The following JAKMIP1 variants were observed in gnomAD, a reference collection of about 807,000 sequenced individuals.
JAKMIP1 encodes the protein janus kinase and microtubule interacting protein 1.
A neutral mutation model predicts 113.0 loss-of-function variants in JAKMIP1; 33 were observed. That is an observed-to-expected ratio of 0.29 (90% CI 0.22 to 0.39). The LOEUF (loss-of-function observed/expected upper bound fraction) is 0.39, where lower values mean the gene tolerates loss of function less well. Ranked by LOEUF, JAKMIP1 falls within the 10% of genes least tolerant of loss-of-function variation. The pLI is 1.00. For synonymous variants in JAKMIP1, 480 were observed against 459.9 expected (o/e 1.04, Z -0.56); for missense variants, 813 against 1,080.5 (o/e 0.75, Z 3.47).
At chr4:6,174,444 C>G (rs964704628) in intron 1 of JAKMIP1, among the ~76,000 whole-genome samples, 8 of 152,240 alleles carry the variant, frequency 5.3e-5, no homozygotes, top group Non-Finnish European at 1.2e-4. Flanking sequence ...TGATGCCAGA[C>G]CTGGTCTTCG....
In JAKMIP1 at chr4:6,185,137, C is replaced by T. The variant is rs1297976661; in HGVS notation, c.-148+15116G>A. Among the ~76,000 whole-genome samples the T allele has an allele frequency of 6.6e-6, 1 of 152,230 alleles. No individual in the cohort carries two copies. The highest frequency in any genetic ancestry group is 1.5e-5 in the Non-Finnish European group (1 of 68,042). On this transcript the variant is annotated intron_variant, in intron 1 of 20. Transcript: ENST00000409021. This position sits in a 1 kb window ranked among gnomAD's most constrained non-coding sequence, Gnocchi z 5.3. The stretch of plus-strand genomic sequence containing the variant: ...TTTGAGGTTTTGGGACTCGAACTGG[C>T]TTCCTTGCTCCTCAGCTTGCAGATG...
intron 1 of JAKMIP1, among the ~76,000 whole-genome samples, chr4:6,172,785 C>A (rs1168072396): frequency 6.6e-6 from 1 of 152,154 alleles, no homozygotes; most frequent in African/African-American, 2.4e-5. Context: ...ATGCCCCACC[C>A]TGCCCAAGAT....
At chr4:6,146,513 T>G (rs2108972701) in intron 1 of JAKMIP1, among the ~76,000 whole-genome samples, 1 of 152,162 alleles carries the variant, frequency 6.6e-6, no homozygotes, top group African/African-American at 2.4e-5. Flanking sequence ...AGGCTGATCT[T>G]GAACCTCTAG....
In JAKMIP1 at chr4:6,191,336, T is replaced by TCC. The variant is rs146999307; in HGVS notation, c.-148+8915_-148+8916dup. ...AGTGTGACTGTCCCCTGCATGTCCC[T>TCC]CCTGAGGCCCTCAGAGAACTCATCA... On this transcript the variant is annotated intron_variant, in intron 1 of 20. Transcript: ENST00000409021. Among the ~76,000 whole-genome samples the TCC allele has an allele frequency of 9.4e-3, 1,437 of 152,218 alleles. 27 individuals are homozygous for TCC. The highest frequency in any genetic ancestry group is 0.032 in the African/African-American group (1,345 of 41,536).
At chr4:6,169,997 C>CCAA in intron 1 of JAKMIP1, among the ~76,000 whole-genome samples, 1 of 110,010 alleles carries the variant, frequency 9.1e-6, no homozygotes, top group South Asian at 3.4e-4. Flanking sequence ...ACCACCACCA[C>CCAA]CACCACCACC....
chr4:6,107,512 G>A (rs1714153406), intron 2 of JAKMIP1, among the ~76,000 whole-genome samples: 1 of 152,170 alleles, frequency 6.6e-6, no homozygotes, highest in Non-Finnish European at 1.5e-5. Flanking sequence ...TCTGGGTGAA[G>A]CACGGTGCCT....
In JAKMIP1 at chr4:6,059,518, C is replaced by T. The variant is rs1159436811; in HGVS notation, c.1644+906G>A. Among the ~76,000 whole-genome samples the T allele has an allele frequency of 1.3e-5, 2 of 152,118 alleles. No individual in the cohort carries two copies. Among genetic ancestry groups the T allele is most frequent in the African/African-American group, 2.4e-5 (1 of 41,436 alleles). ...CCCCCCATAGATGCCTCTCTGCAGG[C>T]AGGGGTGGGGGCCACCAGACACTCC... On this transcript the variant is annotated intron_variant, in intron 11 of 20. Transcript: ENST00000409021. This position sits in a 1 kb window ranked among gnomAD's most constrained non-coding sequence, Gnocchi z 4.8.
chr4:6,132,651 A>AT (rs999666336), intron 1 of JAKMIP1, among the ~76,000 whole-genome samples: 8 of 130,682 alleles, frequency 6.1e-5, no homozygotes, highest in African/African-American at 2.0e-4. Flanking sequence ...CAAAAATAAA[A>AT]AAAAAAAAAA....
chr4:6,052,868 T>C (rs898053737), intron 13 of JAKMIP1, among the ~76,000 whole-genome samples: 2 of 152,128 alleles, frequency 1.3e-5, no homozygotes, highest in Non-Finnish European at 2.9e-5. Context: ...AAAATGCTCA[T>C]GTCATGCTGA....
rs575994344 is a variant in JAKMIP1 at position 6,054,285 on chromosome 4, G to A, written c.1708-137C>T. 1.3e-4 allele frequency: 106 copies of A among 786,744 alleles called. 1 individual carries two copies. Among genetic ancestry groups the A allele is most frequent in the Middle Eastern group, 7.6e-4 (3 of 3,946 alleles). The allele number at this position is 786,744 out of a possible 1,614,324, so 48.7% of individuals were successfully genotyped here. ...CAAGGGGCAGGAGAGGGCAGGGTTT[G>A]CAGCAAGCAAACGAATGAGGTAGGT... On this transcript the variant is annotated intron_variant, in intron 12 of 20. Transcript: ENST00000409021.
intron 16 of JAKMIP1, among the ~76,000 whole-genome samples, chr4:6,045,947 T>C (rs1284542537): frequency 6.6e-6 from 1 of 152,194 alleles, no homozygotes; most frequent in Non-Finnish European, 1.5e-5. Flanking sequence ...GAATGACAAT[T>C]TTTAAAATAA....
rs200104729 is a variant in JAKMIP1, at chr4:6,085,573, G to A, written c.681C>T (p.Gly227=). Residue 227 remains glycine (G), a synonymous_variant, in exon 4 of 21, where the codon GGC becomes GGT. Transcript: ENST00000409021. ...GCTTCTGGGTCTGCCCAGCCTGCACGCCAAGTTCCTTCTCCAAGGCCAGAA... is the reference window on the plus strand; with the variant it reads ...GCTTCTGGGTCTGCCCAGCCTGCACACCAAGTTCCTTCTCCAAGGCCAGAA... The part of the protein sequence containing the change: ...RVILALEKEL[G]VQAGQTQKLL... 2.2e-4 allele frequency: 363 copies of A among 1,614,070 alleles called. No homozygotes were observed. Among genetic ancestry groups the A allele is most frequent in the Non-Finnish European group, 2.9e-4 (348 of 1,180,054 alleles).
intron 16 of JAKMIP1, among the ~76,000 whole-genome samples, chr4:6,047,376 T>TG (rs1715128076): frequency 6.6e-6 from 1 of 152,244 alleles, no homozygotes; most frequent in Admixed American, 6.5e-5. Context: ...GGAGCACTGT[T>TG]GGAGGAGCCT....
Position 6,030,693 on chromosome 4 carries a change from G to A in JAKMIP1, c.2380-912C>T, listed in dbSNP as rs34363250. ...ATACAATGAGACAATGCTGGGAGGC[G>A]GAAGGGTGGACGATTTCAGCCAGCA... On this transcript the variant is annotated intron_variant, in intron 19 of 20. Transcript: ENST00000409021. Among the ~76,000 whole-genome samples the A allele has an allele frequency of 2.4e-4, 36 of 152,326 alleles. No homozygotes were observed. In the East Asian group the frequency reaches 2.5e-3, roughly 11 times the overall value.
intron 2 of JAKMIP1, among the ~76,000 whole-genome samples, chr4:6,107,414 C>T (rs541921887): frequency 2.6e-5 from 4 of 152,164 alleles, no homozygotes; most frequent in Non-Finnish European, 4.4e-5. Flanking sequence ...TTGGCTGGGC[C>T]ACAATGCCCA....
chr4:6,196,373 C>A (rs1001929231), intron 1 of JAKMIP1, among the ~76,000 whole-genome samples: 3 of 152,196 alleles, frequency 2.0e-5, no homozygotes, highest in African/African-American at 4.8e-5. Flanking sequence ...TGATCCACAG[C>A]CCCCTGCACA....
chr4:6,162,264 A>G lies in JAKMIP1; in HGVS notation c.-148+37989T>C, dbSNP rs541263294. Among the ~76,000 whole-genome samples, 1 of 152,172 alleles carries G rather than the reference A, an allele frequency of 6.6e-6. No individual in the cohort carries two copies. The highest frequency in any genetic ancestry group is 1.5e-5 in the Non-Finnish European group (1 of 68,024). Reference sequence around the variant, plus strand: ...GGACCTCTCAGCTGCTGGAAGGCCTACCTAGGTGGTGACAGGGCCAGCAGA... The same window carrying G: ...GGACCTCTCAGCTGCTGGAAGGCCTGCCTAGGTGGTGACAGGGCCAGCAGA... On this transcript the variant is annotated intron_variant, in intron 1 of 20. Coordinates refer to ENST00000409021, the MANE Select transcript of JAKMIP1 (RefSeq NM_001099433.2). The surrounding 1 kb of genome is among the most constrained non-coding windows in gnomAD (Gnocchi z 5.6).
At position 6,141,936 on chromosome 4, in the gene JAKMIP1, A is replaced by T. The variant is rs1236451043; in HGVS notation, c.-147-28939T>A. Among the ~76,000 whole-genome samples the T allele has an allele frequency of 6.6e-6, 1 of 152,214 alleles. No homozygotes were observed. The highest frequency in any genetic ancestry group is 1.5e-5 in the Non-Finnish European group (1 of 68,044). On this transcript the variant is annotated intron_variant, in intron 1 of 20. Coordinates refer to ENST00000409021, the MANE Select transcript of JAKMIP1 (RefSeq NM_001099433.2). This position sits in a 1 kb window ranked among gnomAD's most constrained non-coding sequence, Gnocchi z 9.4. ...TCATTTTAAAAATCAAGTTTACTCC[A>T]ATAAAGAAACTTGGGAGAACACAGA...
At chr4:6,118,893 C>G (rs776089237) in intron 1 of JAKMIP1, among the ~76,000 whole-genome samples, 1 of 152,150 alleles carries the variant, frequency 6.6e-6, no homozygotes, top group South Asian at 2.1e-4. Flanking sequence ...GAAGATGTAA[C>G]GAAGTTAAAG....
Sources: gnomAD v4.1 joint callset for allele counts (sites outside exome capture counted in the v4.1 genomes callset) on GRCh38, gnomAD v4.1.1 for gene constraint, Gnocchi (gnomAD v3.1) non-coding constraint, MANE v1.5 for transcripts, NCBI Gene and HGNC (gene_info 2026-07-23, HGNC 2026-07-21) for gene names.